The following ZSWIM4 variants were observed in gnomAD, a reference collection of about 807,000 sequenced individuals.
ZSWIM4 encodes the protein zinc finger SWIM domain-containing protein 4.
A neutral mutation model predicts 102.5 loss-of-function variants in ZSWIM4; 62 were observed. The observed-to-expected ratio is 0.60, with a 90% CI of 0.49 to 0.75. ZSWIM4 has a LOEUF of 0.75. Ranked by LOEUF, ZSWIM4 falls within the 30% of genes least tolerant of loss-of-function variation. The pLI is 0.00. For synonymous variants in ZSWIM4, 652 were observed against 674.5 expected, an observed-to-expected ratio of 0.97 and a Z score of 0.52; for missense variants, 1,280 against 1,529.6, an observed-to-expected ratio of 0.84 and a Z score of 2.72.
Position 13,809,200 on chromosome 19 carries a change from G to T in ZSWIM4, c.992G>T (p.Arg331Leu). ...QQGAGMTDKC[R>L]QLWDELGALW... ...GGCGCGGGCATGACGGACAAGTGCC[G>T]GCAGCTCTGGGATGAGCTGGGTGAG... Residue 331 changes from arginine (R) to leucine (L), a missense_variant, in exon 5 of 14, where the codon CGG (arginine) becomes CTG (leucine). Arg to Leu is a moderately radical substitution (Grantham distance 102). Transcript: ENST00000590508. The surrounding 1 kb of genome is among the most constrained non-coding windows in gnomAD (Gnocchi z 4.2). 2 of 1,608,638 alleles carry T rather than the reference G, an allele frequency of 1.2e-6. No homozygotes were observed. Among genetic ancestry groups the T allele is most frequent in the South Asian group, 2.2e-5 (2 of 90,850 alleles).
intron 5 of ZSWIM4, among the ~76,000 whole-genome samples, 179 bp from the exon 6 acceptor site, chr19:13,812,818 G>A (rs1250677789): frequency 6.6e-6 from 1 of 151,994 alleles, no homozygotes; most frequent in African/African-American, 2.4e-5. Context: ...TGTGCAAGCC[G>A]TGTTATGTCT....
Position 13,813,151 on chromosome 19 carries a change from G to GCAT in ZSWIM4, c.1167_1168insCAT (p.Met389_Ala390insHis). Reference sequence around the variant, plus strand: ...ACGGCCCCAGCCTGCAGCCCACCATGGCCCCCGCCCCAGGTAGGAGAGAGG... The same window carrying GCAT: ...ACGGCCCCAGCCTGCAGCCCACCATGCATGCCCCCGCCCCAGGTAGGAGAGAGG... On this transcript the variant is annotated inframe_insertion, in exon 6 of 14. Transcript: ENST00000590508. 6.2e-7 allele frequency: 1 copy of GCAT among 1,612,470 alleles called. No individual in the cohort carries two copies. The highest frequency in any genetic ancestry group is 8.5e-7 in the Non-Finnish European group (1 of 1,178,916).
chr19:13,798,771 C>T (rs1043164011), intron 1 of ZSWIM4, among the ~76,000 whole-genome samples: 7 of 152,148 alleles, frequency 4.6e-5, no homozygotes, highest in Non-Finnish European at 8.8e-5. Context: ...ATTCAAGCCT[C>T]GGTTTCTCTG....
At chr19:13,797,636 G>A (rs768031783) in intron 1 of ZSWIM4, among the ~76,000 whole-genome samples, 1 of 139,824 alleles carries the variant, frequency 7.2e-6, no homozygotes, top group Admixed American at 6.9e-5. Context: ...GAAAAGAAAA[G>A]AAAATCTTTG....
At chr19:13,803,038 A>G (rs1023420531) in intron 2 of ZSWIM4, among the ~76,000 whole-genome samples, 3 of 111,342 alleles carry the variant, frequency 2.7e-5, no homozygotes, top group African/African-American at 2.0e-4. Context: ...CTGAGCCAGA[A>G]AACAAAAGTG....
chr19:13,812,476 T>TTG (rs1975127668), intron 5 of ZSWIM4, among the ~76,000 whole-genome samples: 2 of 150,440 alleles, frequency 1.3e-5, no homozygotes, highest in African/African-American at 4.9e-5. Flanking sequence ...TTTTTTTTTT[T>TTG]GAGATGGAGT....
chr19:13,799,267 T>G (rs956003932), intron 1 of ZSWIM4, among the ~76,000 whole-genome samples: 1 of 138,184 alleles, frequency 7.2e-6, no homozygotes, highest in Non-Finnish European at 1.5e-5. Flanking sequence ...TTTTTTTATT[T>G]TTTTATCTTT....
At chr19:13,827,588 CAA>C (rs35504300) in intron 12 of ZSWIM4, among the ~76,000 whole-genome samples, 1 of 72,506 alleles carries the variant, frequency 1.4e-5, no homozygotes, top group Admixed American at 1.7e-4. Context: ...GTGAGACCCT[CAA>C]AAAAAAAAAA....
Position 13,804,817 on chromosome 19 carries a change from C to T in ZSWIM4, c.381C>T (p.Arg127=), listed in dbSNP as rs767610124. The T allele has an allele frequency of 1.9e-5, 31 of 1,594,808 alleles. No homozygotes were observed. Among genetic ancestry groups the T allele is most frequent in the African/African-American group, 8.0e-5 (6 of 74,560 alleles). The change falls in exon 3 of 14, where the codon CGC becomes CGT. Residue 127 remains arginine (R), a synonymous_variant. Transcript: ENST00000590508. ...GATTCCACCTGAGCGGAAACATCCG[C>T]GAGCCAGGGAGTCCTGGAGAGCCCG... ...QVGFHLSGNI[R]EPGSPGEPER... is the part of the protein sequence containing the mutation.
chr19:13,810,720 C>T (rs566930824), intron 5 of ZSWIM4, among the ~76,000 whole-genome samples: 1 of 152,142 alleles, frequency 6.6e-6, no homozygotes, highest in South Asian at 2.1e-4. Context: ...TGCCATTCTC[C>T]TGCCTCAGCC....
intron 11 of ZSWIM4, among the ~76,000 whole-genome samples, chr19:13,824,361 G>A (rs1042175454): frequency 2.0e-5 from 3 of 151,368 alleles, no homozygotes; most frequent in Non-Finnish European, 2.9e-5. Context: ...CAGGAGTTCG[G>A]GACCAGCAAA....
intron 2 of ZSWIM4, among the ~76,000 whole-genome samples, chr19:13,802,383 C>T (rs993242266): frequency 4.6e-5 from 7 of 151,330 alleles, no homozygotes; most frequent in African/African-American, 1.7e-4. Context: ...GTCAGGAGTT[C>T]AGCCTGGCCA....
intron 9 of ZSWIM4, among the ~76,000 whole-genome samples, 192 bp downstream of exon 9, chr19:13,818,168 A>C (rs1339720190): frequency 6.6e-6 from 1 of 151,072 alleles, no homozygotes; most frequent in Non-Finnish European, 1.5e-5. Context: ...CCCGCCACCT[A>C]GTGCGTGCTG....
intron 2 of ZSWIM4, among the ~76,000 whole-genome samples, chr19:13,802,869 A>G (rs570678108): frequency 7.8e-4 from 118 of 152,244 alleles, no homozygotes; most frequent in African/African-American, 2.4e-3. Context: ...GTGACCCACC[A>G]TGCCTGGCCA....
At chr19:13,824,561 G>A (rs894685343) in intron 11 of ZSWIM4, among the ~76,000 whole-genome samples, 16 of 151,904 alleles carry the variant, frequency 1.1e-4, no homozygotes, top group Admixed American at 3.9e-4. Context: ...GTGAAACTCT[G>A]TGTCTACTAA....
chr19:13,805,269 C>A, intron 3 of ZSWIM4, 121 bp downstream of exon 3: 2 of 862,684 alleles, frequency 2.3e-6, no homozygotes, highest in Non-Finnish European at 3.6e-6. Flanking sequence ...GGGCGGAAAA[C>A]GCGCCATGGC....
intron 5 of ZSWIM4, among the ~76,000 whole-genome samples, chr19:13,810,941 T>A (rs1343829637): frequency 8.9e-6 from 1 of 111,924 alleles, no homozygotes; most frequent in East Asian, 2.6e-4. Flanking sequence ...TGAGATGGAG[T>A]CTTGCTTTGT....
At chr19:13,818,077 C>A in intron 9 of ZSWIM4, 101 bp downstream of exon 9, 1 of 1,417,212 alleles carries the variant, frequency 7.1e-7, no homozygotes, top group Non-Finnish European at 9.2e-7. Flanking sequence ...CCCGCCCCAG[C>A]CCCGCCCCTA....
chr19:13,811,087 G>T (rs552082067), intron 5 of ZSWIM4, among the ~76,000 whole-genome samples: 31 of 151,228 alleles, frequency 2.0e-4, no homozygotes, highest in African/African-American at 7.3e-4. Context: ...CTAATTTTTT[G>T]TATTTTTAGT....
Sources: gnomAD v4.1 joint callset for allele counts (sites outside exome capture counted in the v4.1 genomes callset) on GRCh38, gnomAD v4.1.1 for gene constraint, Gnocchi (gnomAD v3.1) non-coding constraint, MANE v1.5 for transcripts, NCBI Gene and HGNC (gene_info 2026-07-23, HGNC 2026-07-21) for gene names.